The following GRIN2A variants were observed in gnomAD, a reference collection of about 807,000 sequenced individuals.
The protein encoded by GRIN2A is glutamate ionotropic receptor NMDA type subunit 2A.
In GRIN2A, 22 loss-of-function variants were observed where a neutral mutation model predicts 113.4. The observed-to-expected ratio is 0.19, with a 90% CI of 0.14 to 0.28. The LOEUF (loss-of-function observed/expected upper bound fraction) is 0.28, where lower values mean the gene tolerates loss of function less well. Among genes scored for constraint, GRIN2A ranks in the 10% least tolerant of loss-of-function variants. The pLI is 1.00. For missense variants in GRIN2A, 1,502 were observed against 1,887.0 expected (o/e 0.80, Z 3.78); for synonymous variants, 827 against 738.4 (o/e 1.12, Z -1.94).
At chr16:10,089,095 T>C (rs990159933) in intron 2 of GRIN2A, among the ~76,000 whole-genome samples, 3 of 152,178 alleles carry the variant, frequency 2.0e-5, no homozygotes, top group Non-Finnish European at 2.9e-5. Context: ...TATTAATATA[T>C]CCATAGCATT....
At chr16:9,772,782 G>C (rs906617750) in intron 11 of GRIN2A, among the ~76,000 whole-genome samples, 5 of 152,102 alleles carry the variant, frequency 3.3e-5, no homozygotes, top group African/African-American at 4.8e-5. Context: ...AGGTTTGTAA[G>C]CCTGTAAGGA....
intron 2 of GRIN2A, among the ~76,000 whole-genome samples, chr16:10,126,889 C>T (rs1829036808): frequency 6.6e-6 from 1 of 152,196 alleles, no homozygotes; most frequent in Non-Finnish European, 1.5e-5. Flanking sequence ...CACCAGTCTA[C>T]ACTTTTTACC....
intron 2 of GRIN2A, among the ~76,000 whole-genome samples, chr16:10,094,480 G>A (rs916472879): frequency 4.7e-5 from 7 of 150,460 alleles, no homozygotes; most frequent in South Asian, 4.2e-4. Flanking sequence ...ATGGAATCTC[G>A]CTCTTATTGC....
At chr16:10,140,249 AATGT>A (rs1470580976) in intron 2 of GRIN2A, among the ~76,000 whole-genome samples, 3 of 152,182 alleles carry the variant, frequency 2.0e-5, no homozygotes, top group African/African-American at 7.2e-5. Flanking sequence ...GTACTTAATT[AATGT>A]ATTTTGTTTT....
chr16:9,896,022 G>A (rs1291725011), intron 3 of GRIN2A, among the ~76,000 whole-genome samples: 1 of 151,910 alleles, frequency 6.6e-6, no homozygotes, highest in African/African-American at 2.4e-5. Context: ...CATTCACAAG[G>A]TTGCGTAACA....
At chr16:10,125,658 G>A (rs571932433) in intron 2 of GRIN2A, among the ~76,000 whole-genome samples, 4,553 of 24,616 alleles carry the variant, frequency 0.18, 142 homozygotes, top group South Asian at 0.54. Context: ...AGACTGTTCC[G>A]AGTCTCCCCT....
chr16:9,979,314 T>C (rs1385261914), intron 2 of GRIN2A, among the ~76,000 whole-genome samples: 1 of 152,122 alleles, frequency 6.6e-6, no homozygotes, highest in Admixed American at 6.6e-5. Flanking sequence ...TCAGCTCCTA[T>C]CCCTTGGGCC....
At chr16:10,112,808 T>C (rs74006746) in intron 2 of GRIN2A, 13,999 of 662,782 alleles carry the variant, frequency 0.021, 396 homozygotes, top group African/African-American at 0.1. Flanking sequence ...AGCTCAAATT[T>C]GAGAAGTGGA....
intron 2 of GRIN2A, among the ~76,000 whole-genome samples, chr16:10,139,997 T>C (rs571045468): frequency 3.9e-5 from 6 of 152,156 alleles, no homozygotes; most frequent in Non-Finnish European, 8.8e-5. Context: ...AAATGAGAAA[T>C]AGGAATCTAT....
In GRIN2A at chr16:10,111,815, C is replaced by T. The variant is rs2142148222; in HGVS notation, c.414+68183G>A. The T allele has an allele frequency of 4.6e-6, 6 of 1,299,256 alleles. No individual in the cohort carries two copies. In the East Asian group the frequency reaches 1.2e-4, roughly 25 times the overall value. The allele number at this position is 1,299,256 out of a possible 1,614,324, so 80.5% of individuals were successfully genotyped here. ...CATGGCTTCTCTTGCATCCTCATCA[C>T]TGAGATGGGCACCATGGGGAGCAAG... is the stretch of plus-strand genomic sequence containing the variant. On this transcript the variant is annotated intron_variant, in intron 2 of 12. Coordinates refer to ENST00000330684, the MANE Select transcript of GRIN2A (RefSeq NM_001134407.3).
chr16:9,779,073 ACTAGTGGTAC>A, intron 11 of GRIN2A, among the ~76,000 whole-genome samples: 1 of 152,244 alleles, frequency 6.6e-6, no homozygotes, highest in Non-Finnish European at 1.5e-5. Flanking sequence ...AATGTGGCCA[ACTAGTGGTAC>A]ATAAAAGGGA....
intron 10 of GRIN2A, among the ~76,000 whole-genome samples, chr16:9,814,084 C>A (rs1304791572): frequency 6.6e-6 from 1 of 152,210 alleles, no homozygotes; most frequent in Non-Finnish European, 1.5e-5. Flanking sequence ...ATGCCAATAT[C>A]CCTGAACCAG....
Position 9,756,474 on chromosome 16 carries a change from T to G in GRIN2A, c.*6675A>C, listed in dbSNP as rs575674048. ...ACTCAAGGGTATATGCCCAGGAACC[T>G]CAAAAGAGCACACCTCTCTTTCTGA... On this transcript the variant is annotated 3_prime_UTR_variant, in exon 13 of 13. Transcript: ENST00000330684. The G allele has an allele frequency of 4.2e-4, 95 of 226,810 alleles. No individual in the cohort carries two copies. The highest frequency in any genetic ancestry group is 1.9e-3 in the African/African-American group (87 of 45,072). 14.0% of individuals were successfully genotyped at this position (226,810 alleles called of 1,614,324 possible). A position where few individuals can be genotyped will look rare whatever the true frequency, so the allele number is the denominator to read the frequency against.
At chr16:10,043,125 A>G (rs1307387897) in intron 2 of GRIN2A, among the ~76,000 whole-genome samples, 2 of 152,162 alleles carry the variant, frequency 1.3e-5, no homozygotes, top group Non-Finnish European at 2.9e-5. Flanking sequence ...TGCATTTTAC[A>G]TTTGGTAGTA....
At chr16:10,058,716 T>C (rs562635656) in intron 2 of GRIN2A, among the ~76,000 whole-genome samples, 2 of 152,258 alleles carry the variant, frequency 1.3e-5, no homozygotes, top group Non-Finnish European at 2.9e-5. Flanking sequence ...GTGATTTATA[T>C]GTTTAGGTAT....
intron 10 of GRIN2A, among the ~76,000 whole-genome samples, chr16:9,813,592 C>T (rs1487338479): frequency 6.8e-6 from 1 of 146,866 alleles, no homozygotes; most frequent in Non-Finnish European, 1.5e-5. Flanking sequence ...CCCCCACAGA[C>T]ATTTTTTTCT....
chr16:10,061,508 C>T (rs1335219310), intron 2 of GRIN2A, among the ~76,000 whole-genome samples: 1 of 152,186 alleles, frequency 6.6e-6, no homozygotes, highest in Non-Finnish European at 1.5e-5. Flanking sequence ...GATTTAAATA[C>T]AGTCAACTGT....
chr16:10,100,721 C>A (rs1203305332), intron 2 of GRIN2A, among the ~76,000 whole-genome samples: 1 of 152,240 alleles, frequency 6.6e-6, no homozygotes, highest in Non-Finnish European at 1.5e-5. Flanking sequence ...TGCCCCCCTG[C>A]TGGATTCACT....
chr16:9,980,288 T>C (rs1423937359), intron 2 of GRIN2A, among the ~76,000 whole-genome samples: 1 of 150,962 alleles, frequency 6.6e-6, no homozygotes, highest in African/African-American at 2.4e-5. Flanking sequence ...AAGAGAGTGA[T>C]ACCATCTCAT....
Sources: gnomAD v4.1 joint callset for allele counts (sites outside exome capture counted in the v4.1 genomes callset) on GRCh38, gnomAD v4.1.1 for gene constraint, MANE v1.5 for transcripts, NCBI Gene and HGNC (gene_info 2026-07-23, HGNC 2026-07-21) for gene names.